Variants in RUNDC3A observed in about 807,000 individuals in gnomAD.
RUNDC3A encodes RUN domain-containing protein 3A.
In RUNDC3A, 28 loss-of-function variants were observed where a neutral mutation model predicts 53.9. That is an observed-to-expected ratio of 0.52 (90% confidence interval 0.38 to 0.71). The LOEUF (loss-of-function observed/expected upper bound fraction) is 0.71. Ranked by LOEUF, RUNDC3A falls within the 30% of genes least tolerant of loss-of-function variation. The pLI is 0.00. For missense variants in RUNDC3A, 491 were observed against 597.3 expected, an observed-to-expected ratio of 0.82 and a Z score of 1.85; for synonymous variants, 232 against 249.4, an observed-to-expected ratio of 0.93 and a Z score of 0.66.
In RUNDC3A at chr17:44,316,473, G is replaced by C; in HGVS notation, c.1042G>C (p.Gly348Arg). ...TPLVNQWPSLGTLNGAEGASN... is the reference protein window; with the variant it reads ...TPLVNQWPSLRTLNGAEGASN... ...CCTGGTCAATCAATGGCCCTCACTG[G>C]GAACGCTTAATGGGGCCGAGGGCGC... Residue 348 changes from glycine to arginine, a missense_variant, in exon 9 of 11, where the codon GGA becomes CGA. Physicochemically the swap from Gly to Arg is moderately radical, Grantham distance 125. Transcript: ENST00000426726. The C allele has an allele frequency of 6.2e-7, 1 of 1,613,620 alleles. No individual in the cohort carries two copies. Among genetic ancestry groups the C allele is most frequent in the Non-Finnish European group, 8.5e-7 (1 of 1,179,856 alleles).
rs528713440 is a variant in RUNDC3A at position 44,315,351 on chromosome 17, G to A, written c.795+31G>A. ...CGACGCCGGCGGGCCCGGGGGGCGG[G>A]CGGGCCGGGCGGGGGATCCGGGCAT... On this transcript the variant is annotated intron_variant, in intron 7 of 10. Coordinates refer to ENST00000426726, the MANE Select transcript of RUNDC3A (RefSeq NM_001144825.2). The surrounding 1 kb of genome is among the most constrained non-coding windows in gnomAD (Gnocchi z 6.1). The A allele has an allele frequency of 1.6e-4, 214 of 1,311,434 alleles. 6 individuals are homozygous for A. In the South Asian group the frequency reaches 3.6e-3, roughly 22 times the overall value. The allele number at this position is 1,311,434 out of a possible 1,614,324, so 81.2% of individuals were successfully genotyped here.
chr17:44,315,361 C>T lies in RUNDC3A; in HGVS notation c.795+41C>T. On this transcript the variant is annotated intron_variant, in intron 7 of 10. Coordinates refer to ENST00000426726, the MANE Select transcript of RUNDC3A (RefSeq NM_001144825.2). The surrounding 1 kb of genome is among the most constrained non-coding windows in gnomAD (Gnocchi z 6.1). ...GGGCCCGGGGGGCGGGCGGGCCGGG[C>T]GGGGGATCCGGGCATCCCGGGGCGG... is the stretch of plus-strand genomic sequence containing the variant. 5.3e-6 allele frequency: 3 copies of T among 564,344 alleles called. No homozygotes were observed. The highest frequency in any genetic ancestry group is 6.9e-6 in the Non-Finnish European group (3 of 436,374). 35.0% of individuals were successfully genotyped at this position (564,344 alleles called of 1,614,324 possible). A position where few individuals can be genotyped will look rare whatever the true frequency, so the allele number is the denominator to read the frequency against.
Position 44,318,155 on chromosome 17 carries a change from TG to T in RUNDC3A, c.1259del (p.Cys420SerfsTer14), listed in dbSNP as rs1453881986. The T allele has an allele frequency of 2.6e-6, 4 of 1,551,476 alleles. No homozygotes were observed. ...LCGSLASIPSCKSLASFKSNE... is the reference protein window; with the variant it reads ...LCGSLASIPSXKSLASFKSNE... The stretch of plus-strand genomic sequence containing the variant: ...CGGCTCCCTGGCCTCCATTCCCAGC[TG>T]CAAGTCCCTGGCGAGCTTCAAATCC... On this transcript the variant is annotated frameshift_variant, in exon 11 of 11. Transcript: ENST00000426726. LOFTEE classifies it high-confidence loss of function.
At chr17:44,309,018 C>G in intron 1 of RUNDC3A, 79 bp downstream of exon 1, 2 of 979,404 alleles carry the variant, frequency 2.0e-6, no homozygotes, top group Non-Finnish European at 3.0e-6. Flanking sequence ...GGACTGAGCG[C>G]TGCCGCGGAG....
chr17:44,317,709 ACT>A (rs936527773), intron 10 of RUNDC3A: 29 of 628,226 alleles, frequency 4.6e-5, no homozygotes, highest in African/African-American at 3.8e-4. Flanking sequence ...GCCCCATCAC[ACT>A]GTGTTTGTGA....
chr17:44,314,536 C>T, intron 4 of RUNDC3A, 199 bp from the exon 5 acceptor site: 1 of 1,428,516 alleles, frequency 7.0e-7, no homozygotes, highest in Non-Finnish European at 9.1e-7. Context: ...GCTCAGGGAA[C>T]ACCCATTCTA....
Position 44,315,379 on chromosome 17 carries a change from C to A in RUNDC3A, c.795+59C>A. 4 of 405,186 alleles carry A rather than the reference C, an allele frequency of 9.9e-6. No homozygotes were observed. Among genetic ancestry groups the A allele is most frequent in the Non-Finnish European group, 1.4e-5 (4 of 282,070 alleles). The allele number at this position is 405,186 out of a possible 1,614,324, so 25.1% of individuals were successfully genotyped here. On this transcript the variant is annotated intron_variant, in intron 7 of 10. Transcript: ENST00000426726. The surrounding 1 kb of genome is among the most constrained non-coding windows in gnomAD (Gnocchi z 6.1). ...GGCCGGGCGGGGGATCCGGGCATCC[C>A]GGGGCGGGGCGGGGATGGGGGCCGC...
rs1289708245 is a variant in RUNDC3A at position 44,317,620 on chromosome 17, C to G, written c.1199-476C>G. The G allele has an allele frequency of 4.0e-6, 3 of 753,850 alleles. No homozygotes were observed. The East Asian group carries it at 7.4e-5, about 19-fold the overall frequency. The allele number at this position is 753,850 out of a possible 1,614,324, so 46.7% of individuals were successfully genotyped here. ...TTCTCCCTATGCCTGAATATCCTGT[C>G]TTTTCTTTTTTATAAGCAACCACAC... On this transcript the variant is annotated intron_variant, in intron 10 of 10. Coordinates refer to ENST00000426726, the MANE Select transcript of RUNDC3A (RefSeq NM_001144825.2).
In RUNDC3A at chr17:44,315,346, G is replaced by A. The variant is rs564534390; in HGVS notation, c.795+26G>A. On this transcript the variant is annotated intron_variant, in intron 7 of 10. Transcript: ENST00000426726. The surrounding 1 kb of genome is among the most constrained non-coding windows in gnomAD (Gnocchi z 6.1). The stretch of plus-strand genomic sequence containing the variant: ...GTGCGCGACGCCGGCGGGCCCGGGG[G>A]GCGGGCGGGCCGGGCGGGGGATCCG... 7.5e-5 allele frequency: 100 copies of A among 1,341,730 alleles called. No individual in the cohort carries two copies. The East Asian group carries it at 2.9e-3, about 39-fold the overall frequency. The allele number at this position is 1,341,730 out of a possible 1,614,324, so 83.1% of individuals were successfully genotyped here.
chr17:44,312,123 G>A (rs999804053), intron 1 of RUNDC3A, among the ~76,000 whole-genome samples: 1 of 152,188 alleles, frequency 6.6e-6, no homozygotes, highest in Non-Finnish European at 1.5e-5. Context: ...ACTGAAGGTT[G>A]CTCCAGCAAT....
At position 44,308,668 on chromosome 17, in the gene RUNDC3A, AG is replaced by A. The variant is rs2047688151; in HGVS notation, c.-162del. The A allele has an allele frequency of 6.8e-6, 3 of 442,654 alleles. No individual in the cohort carries two copies. Among genetic ancestry groups the A allele is most frequent in the Non-Finnish European group, 7.9e-6 (2 of 252,658 alleles). The allele number at this position is 442,654 out of a possible 1,614,324, so 27.4% of individuals were successfully genotyped here. A position where few individuals can be genotyped will look rare whatever the true frequency, so the allele number is the denominator to read the frequency against. The stretch of plus-strand genomic sequence containing the variant: ...TTTGCTCTGGCATCGCCGCCGGGGG[AG>A]GGAGCGAGGGGGCCGGGCACCGGGC... On this transcript the variant is annotated 5_prime_UTR_variant, in exon 1 of 11. Transcript: ENST00000426726.
intron 1 of RUNDC3A, chr17:44,310,577 A>T: frequency 5.7e-6 from 2 of 350,094 alleles, no homozygotes; most frequent in Non-Finnish European, 8.0e-6. Flanking sequence ...CCAGGCCCCT[A>T]CTGCCTCATC....
intron 1 of RUNDC3A, among the ~76,000 whole-genome samples, chr17:44,312,008 A>T (rs372623672): frequency 6.6e-6 from 1 of 152,132 alleles, no homozygotes; most frequent in African/African-American, 2.4e-5. Flanking sequence ...GGAAGGGGGT[A>T]TCTGTGTACT....
At chr17:44,313,966 G>A in intron 4 of RUNDC3A, 3 of 992,422 alleles carry the variant, frequency 3.0e-6, no homozygotes, top group Non-Finnish European at 3.6e-6. Flanking sequence ...CACCGCTCCT[G>A]GCCCCAGGAC....
Position 44,312,583 on chromosome 17 carries a change from C to A in RUNDC3A, c.111C>A (p.Phe37Leu). 3.8e-6 allele frequency: 6 copies of A among 1,562,850 alleles called. No individual in the cohort carries two copies. Among genetic ancestry groups the A allele is most frequent in the Non-Finnish European group, 5.2e-6 (6 of 1,152,414 alleles). The part of the protein sequence containing the change: ...ERKNLITVCR[F>L]SVKTLLEKYT... ...ATCTCCCCACCTCGCCGCCCAGGTTCTCTGTGAAAACGCTGCTGGAGAAGT... is the reference window on the plus strand; with the variant it reads ...ATCTCCCCACCTCGCCGCCCAGGTTATCTGTGAAAACGCTGCTGGAGAAGT... Residue 37 changes from phenylalanine to leucine, a missense_variant, in exon 2 of 11, where the codon TTC becomes TTA. This residue lies in a region of RUNDC3A where 273 missense variants were observed against 389.0 expected (regional missense o/e 0.70). Transcript: ENST00000426726.
At chr17:44,317,914 C>A in intron 10 of RUNDC3A, 182 bp from the exon 11 acceptor site, 2 of 616,408 alleles carry the variant, frequency 3.2e-6, no homozygotes, top group South Asian at 1.9e-5. Flanking sequence ...TACAGTGTCC[C>A]CAGCACGGTG....
chr17:44,311,110 G>C (rs2047740507), intron 1 of RUNDC3A: 2 of 985,620 alleles, frequency 2.0e-6, no homozygotes, highest in African/African-American at 1.7e-5. Flanking sequence ...TTTGAATCCA[G>C]CAGGCTGCCT....
intron 10 of RUNDC3A, chr17:44,317,375 T>G (rs930015083): frequency 9.2e-6 from 7 of 757,218 alleles, no homozygotes; most frequent in Non-Finnish European, 1.7e-5. Context: ...CATGACATCC[T>G]CGGGGGCTCA....
At position 44,314,957 on chromosome 17, in the gene RUNDC3A, G is replaced by A; in HGVS notation, c.577G>A (p.Gly193Arg). 6.2e-7 allele frequency: 1 copy of A among 1,614,000 alleles called. No homozygotes were observed. ...CTGTCTAAAGGGGGAAGTCCTGGAC[G>A]GGAAGACCCCCGTGGTCATCGATTA... is the stretch of plus-strand genomic sequence containing the variant. ...SFCLKGEVLD[G>R]KTPVVIDYTP... is the part of the protein sequence containing the mutation. Residue 193 changes from glycine to arginine, a missense_variant, in exon 6 of 11, where the codon GGG becomes AGG. Gly to Arg is a moderately radical substitution (Grantham distance 125). This residue lies in a region of RUNDC3A where 273 missense variants were observed against 389.0 expected (regional missense o/e 0.70). Coordinates refer to ENST00000426726, the MANE Select transcript of RUNDC3A (RefSeq NM_001144825.2).
Sources: gnomAD v4.1 joint callset for allele counts (sites outside exome capture counted in the v4.1 genomes callset) on GRCh38, gnomAD v4.1.1 for gene constraint, gnomAD v4.1.1 regional missense constraint, Gnocchi (gnomAD v3.1) non-coding constraint, MANE v1.5 for transcripts, NCBI Gene and HGNC (gene_info 2026-07-23, HGNC 2026-07-21) for gene names.